STYX: variants seen among roughly 807,000 people sequenced by gnomAD.
STYX encodes the protein serine/threonine/tyrosine interacting protein, also known as serine/threonine/tyrosine-interacting protein.
In STYX, 20 loss-of-function variants were observed where a neutral mutation model predicts 42.7. The ratio of observed to expected loss-of-function variants is 0.47; its 90% CI spans 0.33 to 0.68. The LOEUF is 0.68. STYX is among the 30% of genes least tolerant of loss of function. The pLI is 0.02. For missense variants in STYX, 226 were observed against 268.5 expected, an observed-to-expected ratio of 0.84 and a Z score of 1.11; for synonymous variants, 78 against 81.9, an observed-to-expected ratio of 0.95 and a Z score of 0.26.
chr14:52,768,549 T>G (rs935764359), intron 9 of STYX, among the ~76,000 whole-genome samples: 9 of 152,198 alleles, frequency 5.9e-5, no homozygotes, highest in South Asian at 2.1e-4. Flanking sequence ...TGGTGTTTTT[T>G]GGGGTTTTTT....
chr14:52,750,521 G>A (rs1290294954), intron 3 of STYX, among the ~76,000 whole-genome samples, 162 bp from the exon 4 acceptor site: 1 of 152,126 alleles, frequency 6.6e-6, no homozygotes, highest in Non-Finnish European at 1.5e-5. Context: ...ATATCTTGCT[G>A]CCCACTTCAG....
In STYX at chr14:52,771,152, G is replaced by T; in HGVS notation, c.*46G>T. On this transcript the variant is annotated 3_prime_UTR_variant, in exon 11 of 11. Transcript: ENST00000354586. ...AGTGTGAATTTCTATTTGGGAAGGA[G>T]AAAATACAAGAGAAAATTATAATGT... The T allele has an allele frequency of 6.7e-7, 1 of 1,497,710 alleles. No individual in the cohort carries two copies. 92.8% of individuals were successfully genotyped at this position (1,497,710 alleles called of 1,614,324 possible). A position where few individuals can be genotyped will look rare whatever the true frequency, so the allele number is the denominator to read the frequency against.
At chr14:52,740,878 A>C (rs1022291284) in intron 1 of STYX, among the ~76,000 whole-genome samples, 1 of 152,266 alleles carries the variant, frequency 6.6e-6, no homozygotes, top group Non-Finnish European at 1.5e-5. Flanking sequence ...TTCTATTAGC[A>C]TAGAAGGTTA....
At chr14:52,769,177 C>T (rs1178692384) in intron 10 of STYX, among the ~76,000 whole-genome samples, 1 of 152,244 alleles carries the variant, frequency 6.6e-6, no homozygotes, top group East Asian at 1.9e-4. Context: ...GGGCCCTAAA[C>T]ACGCTTAGGT....
Position 52,772,263 on chromosome 14 carries a change from A to G in STYX, c.*1157A>G, listed in dbSNP as rs1267203217. On this transcript the variant is annotated 3_prime_UTR_variant, in exon 11 of 11. Coordinates refer to ENST00000354586, the MANE Select transcript of STYX (RefSeq NM_145251.4). ...TTTATGTTGTCTTAATGATTCTGTG[A>G]GATTGTTCCGGCTCAAACAGAAGCT... 2 of 151,850 alleles carry G rather than the reference A, an allele frequency of 1.3e-5. No individual in the cohort carries two copies. The highest frequency in any genetic ancestry group is 2.9e-5 in the Non-Finnish European group (2 of 67,914). The allele number at this position is 151,850 out of a possible 1,614,324, so 9.4% of individuals were successfully genotyped here.
At chr14:52,765,494 G>A (rs888019988) in intron 9 of STYX, among the ~76,000 whole-genome samples, 1 of 152,184 alleles carries the variant, frequency 6.6e-6, no homozygotes, top group Non-Finnish European at 1.5e-5. Context: ...TGGGATTACA[G>A]GTGTGAGCCA....
chr14:52,750,621 G>C (rs1165037412), intron 3 of STYX, 62 bp from the exon 4 acceptor site: 2 of 1,056,202 alleles, frequency 1.9e-6, no homozygotes, highest in East Asian at 2.5e-5. Flanking sequence ...ATAGTAAGAT[G>C]ATGTTTGATA....
chr14:52,758,685 C>T (rs1881970352), intron 8 of STYX, among the ~76,000 whole-genome samples: 1 of 152,146 alleles, frequency 6.6e-6, no homozygotes. Context: ...AAGCAATTCT[C>T]CTGCCTCAGC....
At chr14:52,761,023 T>A (rs1465001652) in intron 9 of STYX, among the ~76,000 whole-genome samples, 1 of 152,126 alleles carries the variant, frequency 6.6e-6, no homozygotes, top group Non-Finnish European at 1.5e-5. Context: ...GAAAGAATAG[T>A]ATATACATAT....
chr14:52,732,228 A>G (rs1880752481), intron 1 of STYX, among the ~76,000 whole-genome samples: 2 of 145,102 alleles, frequency 1.4e-5, no homozygotes, highest in South Asian at 4.3e-4. Flanking sequence ...AAGCCTCCTG[A>G]GTAGCTGGGG....
In STYX at chr14:52,773,089, T is replaced by G. The variant is rs1420127065; in HGVS notation, c.*1983T>G. 6.6e-6 allele frequency: 1 copy of G among 152,208 alleles called. No individual in the cohort carries two copies. Among genetic ancestry groups the G allele is most frequent in the Admixed American group, 6.5e-5 (1 of 15,268 alleles). 9.4% of individuals were successfully genotyped at this position (152,208 alleles called of 1,614,324 possible). A position where few individuals can be genotyped will look rare whatever the true frequency, so the allele number is the denominator to read the frequency against. On this transcript the variant is annotated 3_prime_UTR_variant, in exon 11 of 11. Coordinates refer to ENST00000354586, the MANE Select transcript of STYX (RefSeq NM_145251.4). ...CTGCTTAAAAGAATCTTCATAATAGTAAGTTTAGGTTTTAAAAACTTGTTT... is the reference window on the plus strand; with the variant it reads ...CTGCTTAAAAGAATCTTCATAATAGGAAGTTTAGGTTTTAAAAACTTGTTT...
intron 1 of STYX, among the ~76,000 whole-genome samples, chr14:52,739,126 CT>C (rs1190361955): frequency 1.3e-3 from 182 of 145,148 alleles, no homozygotes; most frequent in East Asian, 1.4e-3. Flanking sequence ...AAAAATACCA[CT>C]TTTTTTTTTT....
chr14:52,747,956 T>G (rs2139899112), intron 3 of STYX, among the ~76,000 whole-genome samples: 1 of 152,306 alleles, frequency 6.6e-6, no homozygotes, highest in East Asian at 1.9e-4. Context: ...GGCACCACTG[T>G]ACTCCAGCCT....
In STYX at chr14:52,774,591, A is replaced by ATTTTTTT. The variant is rs36115577; in HGVS notation, c.*3496_*3502dup. On this transcript the variant is annotated 3_prime_UTR_variant, in exon 11 of 11. Coordinates refer to ENST00000354586, the MANE Select transcript of STYX (RefSeq NM_145251.4). ...GTCTCTAGGGTCTTTGAATGCTGGA[A>ATTTTTTT]TTTTTTTTTTTTTTTTTGTCTTTCC... 5 of 136,264 alleles carry ATTTTTTT rather than the reference A, an allele frequency of 3.7e-5. No individual in the cohort carries two copies. Among genetic ancestry groups the ATTTTTTT allele is most frequent in the Non-Finnish European group, 7.9e-5 (5 of 63,016 alleles). 8.4% of individuals were successfully genotyped at this position (136,264 alleles called of 1,614,324 possible). A position where few individuals can be genotyped will look rare whatever the true frequency, so the allele number is the denominator to read the frequency against.
intron 9 of STYX, among the ~76,000 whole-genome samples, chr14:52,767,659 T>C (rs1882358106): frequency 6.6e-6 from 1 of 152,174 alleles, no homozygotes; most frequent in South Asian, 2.1e-4. Context: ...AGCTTGAATT[T>C]TCCCAGGTTC....
rs1882595571 is a variant in STYX at position 52,773,365 on chromosome 14, G to A, written c.*2259G>A. On this transcript the variant is annotated 3_prime_UTR_variant, in exon 11 of 11. Transcript: ENST00000354586. Reference sequence around the variant, plus strand: ...GATTTTTTTTTTTTTTTGAGACAGAGTCTCTAATGTCACCCAGGCTGGAGT... The same window carrying A: ...GATTTTTTTTTTTTTTTGAGACAGAATCTCTAATGTCACCCAGGCTGGAGT... 6.9e-6 allele frequency: 1 copy of A among 145,782 alleles called. No homozygotes were observed. The highest frequency in any genetic ancestry group is 1.5e-5 in the Non-Finnish European group (1 of 67,010). The allele number at this position is 145,782 out of a possible 1,614,324, so 9.0% of individuals were successfully genotyped here. A position where few individuals can be genotyped will look rare whatever the true frequency, so the allele number is the denominator to read the frequency against.
chr14:52,765,780 G>C (rs1882281703), intron 9 of STYX, among the ~76,000 whole-genome samples: 1 of 152,150 alleles, frequency 6.6e-6, no homozygotes, highest in African/African-American at 2.4e-5. Context: ...GGGAGGGATA[G>C]GTTTACCATA....
At chr14:52,746,522 C>A (rs1881403751) in intron 3 of STYX, 43 bp downstream of exon 3, 1 of 1,511,902 alleles carries the variant, frequency 6.6e-7, no homozygotes, top group Non-Finnish European at 8.8e-7. Flanking sequence ...TTTTATTAAC[C>A]AACTTTTCTT....
At chr14:52,736,818 AT>A (rs1324443218) in intron 1 of STYX, among the ~76,000 whole-genome samples, 2 of 113,986 alleles carry the variant, frequency 1.8e-5, no homozygotes, top group Non-Finnish European at 4.0e-5. Context: ...TTTAGAAAAT[AT>A]CTTACTTGAG....
Sources: allele counts gnomAD v4.1 joint callset (sites outside exome capture counted in the v4.1 genomes callset), GRCh38; gene constraint gnomAD v4.1.1; transcripts MANE v1.5; gene names NCBI Gene and HGNC (gene_info 2026-07-23, HGNC 2026-07-21).